PCDHAC2: variants seen among roughly 807,000 people sequenced by gnomAD.
PCDHAC2 encodes the protein protocadherin alpha-C2.
Under a neutral mutation model 63.3 loss-of-function variants are expected in PCDHAC2, and 24 were observed. The ratio of observed to expected loss-of-function variants is 0.38; its 90% confidence interval spans 0.27 to 0.53. The LOEUF (loss-of-function observed/expected upper bound fraction) is 0.53. Among genes scored for constraint, PCDHAC2 ranks in the 20% least tolerant of loss-of-function variants. The pLI is 0.81. For missense variants in PCDHAC2, 1,181 were observed against 1,275.2 expected (o/e 0.93, Z 1.12); for synonymous variants, 569 against 529.4 (o/e 1.07, Z -1.03).
intron 1 of PCDHAC2, among the ~76,000 whole-genome samples, chr5:140,970,978 A>G (rs2096449048): frequency 1.3e-5 from 2 of 152,188 alleles, no homozygotes; most frequent in African/African-American, 4.8e-5. Flanking sequence ...ATTAAGAAAA[A>G]TGGGGGAATA....
At chr5:140,984,693 A>G (rs1587034361) in intron 3 of PCDHAC2, among the ~76,000 whole-genome samples, 1 of 152,264 alleles carries the variant, frequency 6.6e-6, no homozygotes, top group East Asian at 1.9e-4. Flanking sequence ...TATGTTCTGC[A>G]CTGCTTGGAG....
chr5:140,982,413 G>A, intron 2 of PCDHAC2, 62 bp from the exon 3 acceptor site: 2 of 1,609,608 alleles, frequency 1.2e-6, no homozygotes, highest in Non-Finnish European at 1.7e-6. Flanking sequence ...TTCTGAGGGT[G>A]GAAGAAGAGA....
Position 140,967,023 on chromosome 5 carries a change from G to C in PCDHAC2, c.257G>C (p.Ser86Thr). The change falls in exon 1 of 4, where the codon AGT becomes ACT. Residue 86 changes from serine (S) to threonine (T), a missense_variant. Transcript: ENST00000289269. ...CLRINHLGAP[S>T]PRYLELDLTS... The stretch of plus-strand genomic sequence containing the variant: ...CGCATCAACCATCTGGGTGCGCCCA[G>C]TCCGCGCTACCTGGAGCTGGACCTG... 1 of 1,608,162 alleles carries C rather than the reference G, an allele frequency of 6.2e-7. No individual in the cohort carries two copies. The highest frequency in any genetic ancestry group is 8.5e-7 in the Non-Finnish European group (1 of 1,177,846).
chr5:140,982,701 T>C, intron 3 of PCDHAC2, 138 bp downstream of exon 3: 1 of 1,383,086 alleles, frequency 7.2e-7, no homozygotes, highest in South Asian at 1.6e-5. Flanking sequence ...CATACATGAT[T>C]TCCTTACATA....
At position 140,987,445 on chromosome 5, in the gene PCDHAC2, G is replaced by A. The variant is rs141923390; in HGVS notation, c.2713+4882G>A. Among the ~76,000 whole-genome samples, 799 of 152,220 alleles carry A rather than the reference G, an allele frequency of 5.2e-3. 4 individuals carry two copies. The highest frequency in any genetic ancestry group is 0.018 in the African/African-American group (765 of 41,528). On this transcript the variant is annotated intron_variant, in intron 3 of 3. Transcript: ENST00000289269. ...AAGCAGGGGGCCTTTCCCCATGCCC[G>A]AGAGATAATTGTTAAGAGCTCAAGC...
intron 3 of PCDHAC2, among the ~76,000 whole-genome samples, chr5:141,004,166 A>C (rs2098156060): frequency 6.6e-6 from 1 of 152,278 alleles, no homozygotes; most frequent in Non-Finnish European, 1.5e-5. Context: ...AGGCAAAGCC[A>C]GCCAAGTGTC....
chr5:140,982,014 C>A (rs546904836), intron 2 of PCDHAC2, among the ~76,000 whole-genome samples: 1 of 152,152 alleles, frequency 6.6e-6, no homozygotes, highest in Admixed American at 6.5e-5. Context: ...AATTAGATAG[C>A]CAAATTGGAA....
intron 3 of PCDHAC2, among the ~76,000 whole-genome samples, chr5:140,998,363 A>G (rs568271579): frequency 6.6e-6 from 1 of 152,316 alleles, no homozygotes; most frequent in Admixed American, 6.5e-5. Flanking sequence ...TAACCACTGC[A>G]CACACCGTCT....
intron 1 of PCDHAC2, among the ~76,000 whole-genome samples, chr5:140,978,620 G>A (rs2096812690): frequency 6.6e-6 from 1 of 152,220 alleles, no homozygotes; most frequent in South Asian, 2.1e-4. Context: ...AGCAGTGAAA[G>A]CTTTTCCTTT....
At chr5:140,991,843 T>G (rs2097475576) in intron 3 of PCDHAC2, among the ~76,000 whole-genome samples, 1 of 152,194 alleles carries the variant, frequency 6.6e-6, no homozygotes, top group Admixed American at 6.6e-5. Context: ...GAACCGCACT[T>G]CCAGATACCA....
chr5:140,981,691 T>C (rs1370541525), intron 2 of PCDHAC2, among the ~76,000 whole-genome samples: 1 of 150,826 alleles, frequency 6.6e-6, no homozygotes, highest in East Asian at 2.1e-4. Flanking sequence ...CCTTCCATCA[T>C]TCATTCATTC....
intron 3 of PCDHAC2, among the ~76,000 whole-genome samples, chr5:140,986,890 G>A (rs965456573): frequency 6.6e-6 from 1 of 152,124 alleles, no homozygotes; most frequent in Non-Finnish European, 1.5e-5. Flanking sequence ...CAAATTCTTA[G>A]GCCCTATCCT....
chr5:140,997,565 A>T (rs552009994), intron 3 of PCDHAC2, among the ~76,000 whole-genome samples: 1 of 152,174 alleles, frequency 6.6e-6, no homozygotes, highest in Non-Finnish European at 1.5e-5. Context: ...CAACTGTCAT[A>T]TGTGTGGTCC....
rs573633705 is a variant in PCDHAC2, at chr5:140,978,668, C to T, written c.2566-281C>T. ...TGTTCTTCCCGTAGTGTTTTAAGAACACAGACATGTATTGGGCAAGGCAAA... is the reference window on the plus strand; with the variant it reads ...TGTTCTTCCCGTAGTGTTTTAAGAATACAGACATGTATTGGGCAAGGCAAA... On this transcript the variant is annotated intron_variant, in intron 1 of 3. Coordinates refer to ENST00000289269, the MANE Select transcript of PCDHAC2 (RefSeq NM_018899.6). 4.6e-5 allele frequency among the ~76,000 whole-genome samples: 7 copies of T among 152,362 alleles called. No homozygotes were observed. The East Asian group carries it at 1.3e-3, about 29-fold the overall frequency.
At chr5:140,974,712 G>C (rs999445044) in intron 1 of PCDHAC2, among the ~76,000 whole-genome samples, 1 of 152,076 alleles carries the variant, frequency 6.6e-6, no homozygotes, top group African/African-American at 2.4e-5. Flanking sequence ...TGTTGTTCAA[G>C]CTGCTCTCGA....
intron 3 of PCDHAC2, among the ~76,000 whole-genome samples, chr5:141,004,729 T>A (rs782339918): frequency 6.6e-6 from 1 of 152,144 alleles, no homozygotes; most frequent in African/African-American, 2.4e-5. Context: ...TTAAATACAT[T>A]TCTCTCTTTT....
chr5:140,994,217 T>G (rs781792763), intron 3 of PCDHAC2, among the ~76,000 whole-genome samples: 2 of 152,110 alleles, frequency 1.3e-5, no homozygotes, highest in Non-Finnish European at 2.9e-5. Flanking sequence ...GGACCCAGGG[T>G]CTGTCTATGT....
intron 3 of PCDHAC2, among the ~76,000 whole-genome samples, chr5:140,999,645 G>C (rs1417751593): frequency 6.6e-6 from 1 of 152,156 alleles, no homozygotes; most frequent in Non-Finnish European, 1.5e-5. Context: ...AAACTGTGCA[G>C]CCTGAGCCCT....
chr5:141,008,346 C>T lies in PCDHAC2; in HGVS notation c.2714-1281C>T, dbSNP rs1223206383. Among the ~76,000 whole-genome samples the T allele has an allele frequency of 2.0e-5, 3 of 152,158 alleles. No homozygotes were observed. The East Asian group carries it at 5.8e-4, about 29-fold the overall frequency. On this transcript the variant is annotated intron_variant, in intron 3 of 3. Coordinates refer to ENST00000289269, the MANE Select transcript of PCDHAC2 (RefSeq NM_018899.6). ...ACAGTTTATTTGATGGAGCTTTTCA[C>T]GTGTCAACCAAAGGAGCAGTGTTAG...
Sources: gnomAD v4.1 joint callset for allele counts (sites outside exome capture counted in the v4.1 genomes callset) on GRCh38, gnomAD v4.1.1 for gene constraint, MANE v1.5 for transcripts, NCBI Gene and HGNC (gene_info 2026-07-23, HGNC 2026-07-21) for gene names.